The following LRRTM4 variants were observed in gnomAD, a reference collection of about 807,000 sequenced individuals.
LRRTM4 encodes leucine rich repeat transmembrane neuronal 4, also known as leucine-rich repeat transmembrane neuronal protein 4.
In LRRTM4, 25 loss-of-function variants were observed where a neutral mutation model predicts 47.6. The ratio of observed to expected loss-of-function variants is 0.53; its 90% CI spans 0.38 to 0.73. The LOEUF is 0.73. LRRTM4 is among the 30% of genes least tolerant of loss of function. The pLI is 0.00. For synonymous variants in LRRTM4, 311 were observed against 269.5 expected (o/e 1.15, Z -1.51); for missense variants, 638 against 713.4 (o/e 0.89, Z 1.20).
chr2:77,027,622 T>C (rs1196451912), intron 3 of LRRTM4, among the ~76,000 whole-genome samples: 1 of 152,192 alleles, frequency 6.6e-6, no homozygotes, highest in Non-Finnish European at 1.5e-5. Flanking sequence ...AAATGCATAA[T>C]GTGCTTTCTG....
intron 3 of LRRTM4, among the ~76,000 whole-genome samples, chr2:76,954,884 G>A (rs1286008971): frequency 6.6e-6 from 1 of 151,646 alleles, no homozygotes; most frequent in Non-Finnish European, 1.5e-5. Context: ...GGGCCAGAAA[G>A]ACTTGGTATG....
intron 3 of LRRTM4, among the ~76,000 whole-genome samples, chr2:77,132,005 G>C (rs1289644974): frequency 6.6e-6 from 1 of 151,994 alleles, no homozygotes; most frequent in Admixed American, 6.6e-5. Flanking sequence ...CTGTGTGTTG[G>C]GAATATTTAG....
chr2:77,414,430 C>T (rs1486432713), intron 3 of LRRTM4, among the ~76,000 whole-genome samples: 1 of 152,158 alleles, frequency 6.6e-6, no homozygotes, highest in Admixed American at 6.5e-5. Flanking sequence ...TTCCCCTGCC[C>T]TCTCCCCAGA....
At chr2:77,116,359 A>C (rs1671389362) in intron 3 of LRRTM4, among the ~76,000 whole-genome samples, 1 of 152,160 alleles carries the variant, frequency 6.6e-6, no homozygotes, top group South Asian at 2.1e-4. Context: ...CAGAAATATA[A>C]GAACTCACTC....
intron 3 of LRRTM4, among the ~76,000 whole-genome samples, chr2:76,945,237 T>G (rs1675283523): frequency 6.6e-6 from 1 of 152,066 alleles, no homozygotes; most frequent in Admixed American, 6.6e-5. Context: ...CTAGAGAAAT[T>G]GTTCACAAAA....
chr2:77,208,010 C>G (rs1473424673), intron 3 of LRRTM4, among the ~76,000 whole-genome samples: 1 of 151,232 alleles, frequency 6.6e-6, no homozygotes, highest in African/African-American at 2.4e-5. Flanking sequence ...TCCCAAGTAG[C>G]TGGGATCACA....
chr2:76,961,489 C>T (rs1213871069), intron 3 of LRRTM4, among the ~76,000 whole-genome samples: 1 of 151,228 alleles, frequency 6.6e-6, no homozygotes, highest in Non-Finnish European at 1.5e-5. Context: ...CCTTAAACAA[C>T]ATTTCAGAAT....
chr2:77,044,877 G>GTATACA (rs1397816523), intron 3 of LRRTM4, among the ~76,000 whole-genome samples: 1 of 151,512 alleles, frequency 6.6e-6, no homozygotes, highest in Non-Finnish European at 1.5e-5. Context: ...ACAGACAAAT[G>GTATACA]TATACATATA....
chr2:76,855,946 A>G (rs1399445453), intron 3 of LRRTM4, among the ~76,000 whole-genome samples: 1 of 152,208 alleles, frequency 6.6e-6, no homozygotes, highest in Non-Finnish European at 1.5e-5. Flanking sequence ...CAGAAAAATT[A>G]GAAATAAACT....
At chr2:77,332,182 A>C (rs1357554639) in intron 3 of LRRTM4, among the ~76,000 whole-genome samples, 5 of 152,190 alleles carry the variant, frequency 3.3e-5, no homozygotes, top group African/African-American at 4.8e-5. Context: ...CAATCTAGTA[A>C]AAGACAAAAC....
At chr2:77,451,656 C>T (rs574388643) in intron 3 of LRRTM4, among the ~76,000 whole-genome samples, 66 of 152,268 alleles carry the variant, frequency 4.3e-4, no homozygotes, top group African/African-American at 1.5e-3. Flanking sequence ...GAACAAGATA[C>T]TCTTCTCCTA....
chr2:76,827,873 A>G (rs1462855322), intron 3 of LRRTM4, among the ~76,000 whole-genome samples: 2 of 151,888 alleles, frequency 1.3e-5, no homozygotes. Flanking sequence ...TAGGAATCAG[A>G]ATTTTAATTT....
At chr2:77,036,713 G>T (rs957295953) in intron 3 of LRRTM4, among the ~76,000 whole-genome samples, 1 of 151,622 alleles carries the variant, frequency 6.6e-6, no homozygotes. Context: ...GCCTTAGTTA[G>T]CTTGGCTCTT....
chr2:77,011,374 A>G (rs1441877562), intron 3 of LRRTM4, among the ~76,000 whole-genome samples: 1 of 152,054 alleles, frequency 6.6e-6, no homozygotes, highest in South Asian at 2.1e-4. Context: ...ATCACATTGG[A>G]TAGAATACAG....
intron 3 of LRRTM4, among the ~76,000 whole-genome samples, chr2:76,795,592 T>A (rs557994020): frequency 1.0e-4 from 11 of 108,498 alleles, no homozygotes; most frequent in Non-Finnish European, 2.0e-4. Flanking sequence ...CACACACACA[T>A]ACACACACAC....
chr2:77,453,410 G>A (rs1241852928), intron 3 of LRRTM4, among the ~76,000 whole-genome samples: 1 of 151,988 alleles, frequency 6.6e-6, no homozygotes, highest in African/African-American at 2.4e-5. Context: ...TTGATCTCCT[G>A]ACCTTGTGAT....
At chr2:77,097,143 G>T (rs1024664318) in intron 3 of LRRTM4, among the ~76,000 whole-genome samples, 3 of 151,630 alleles carry the variant, frequency 2.0e-5, no homozygotes, top group African/African-American at 7.3e-5. Flanking sequence ...GATATGAAGA[G>T]AATTTTTATA....
intron 3 of LRRTM4, among the ~76,000 whole-genome samples, chr2:76,788,446 C>T (rs1048588241): frequency 1.3e-5 from 2 of 152,116 alleles, no homozygotes; most frequent in Non-Finnish European, 2.9e-5. Flanking sequence ...TAAGCTTTAA[C>T]ACAAGGTCAC....
At chr2:77,070,466 A>T (rs1002634229) in intron 3 of LRRTM4, among the ~76,000 whole-genome samples, 3 of 151,654 alleles carry the variant, frequency 2.0e-5, no homozygotes, top group African/African-American at 7.3e-5. Context: ...AAAAATGTTC[A>T]ATCTTTCTAC....
Sources: allele counts gnomAD v4.1 joint callset (sites outside exome capture counted in the v4.1 genomes callset), GRCh38; gene constraint gnomAD v4.1.1; transcripts MANE v1.5; gene names NCBI Gene and HGNC (gene_info 2026-07-23, HGNC 2026-07-21).